STAT4: variants seen among roughly 807,000 people sequenced by gnomAD.
STAT4 encodes the protein signal transducer and activator of transcription 4.
STAT4 carries 42 observed loss-of-function variants against 110.5 expected under a neutral mutation model. The ratio of observed to expected loss-of-function variants is 0.38; its 90% CI spans 0.30 to 0.49. The LOEUF is 0.49. Ranked by LOEUF, STAT4 falls within the 20% of genes least tolerant of loss-of-function variation. The pLI, the probability that STAT4 is intolerant of heterozygous loss-of-function variation, is 0.95. For synonymous variants in STAT4, 284 were observed against 302.2 expected (o/e 0.94, Z 0.63); for missense variants, 632 against 887.9 (o/e 0.71, Z 3.66).
intron 14 of STAT4, among the ~76,000 whole-genome samples, chr2:191,045,570 G>A (rs372016306): frequency 6.6e-6 from 1 of 152,306 alleles, no homozygotes; most frequent in East Asian, 1.9e-4. Flanking sequence ...CACCTGAAAA[G>A]AAAGGAAGGT....
Position 191,066,336 on chromosome 2 carries a change from G to C in STAT4, c.630+94C>G. The stretch of plus-strand genomic sequence containing the variant: ...GTTTCTTCATTCAGTAAATGGAACT[G>C]ATAAAATCTGACAGCTTGATTATTT... On this transcript the variant is annotated intron_variant, in intron 7 of 23. Transcript: ENST00000392320. This position sits in a 1 kb window ranked among gnomAD's most constrained non-coding sequence, Gnocchi z 4.3. 1 of 1,138,780 alleles carries C rather than the reference G, an allele frequency of 8.8e-7. No individual in the cohort carries two copies. The highest frequency in any genetic ancestry group is 2.0e-5 in the Admixed American group (1 of 49,974). The allele number at this position is 1,138,780 out of a possible 1,614,324, so 70.5% of individuals were successfully genotyped here.
chr2:191,049,411 C>T (rs886642630), intron 14 of STAT4, among the ~76,000 whole-genome samples: 3 of 152,112 alleles, frequency 2.0e-5, no homozygotes, highest in South Asian at 2.1e-4. Context: ...CTCCTGACCT[C>T]GTGATCTGCC....
In STAT4 at chr2:191,032,664, T is replaced by C. The variant is rs533329001; in HGVS notation, c.2044+294A>G. 2.0e-5 allele frequency among the ~76,000 whole-genome samples: 3 copies of C among 152,340 alleles called. No homozygotes were observed. The South Asian group carries it at 6.2e-4, about 32-fold the overall frequency. On this transcript the variant is annotated intron_variant, in intron 21 of 23. Coordinates refer to ENST00000392320, the MANE Select transcript of STAT4 (RefSeq NM_003151.4). The surrounding 1 kb of genome is among the most constrained non-coding windows in gnomAD (Gnocchi z 4.9). ...ATAGACATGAAGCCTGCACCACTTC[T>C]GTCTTACAAAGGAGAAAACTGAAGC...
At chr2:191,078,185 C>A (rs1697366003) in intron 3 of STAT4, among the ~76,000 whole-genome samples, 1 of 152,088 alleles carries the variant, frequency 6.6e-6, no homozygotes, top group Non-Finnish European at 1.5e-5. Context: ...AGATTAGGAT[C>A]CTTTTTAGTT....
At chr2:191,088,716 A>C (rs1400211239) in intron 3 of STAT4, among the ~76,000 whole-genome samples, 1 of 152,210 alleles carries the variant, frequency 6.6e-6, no homozygotes, top group Admixed American at 6.5e-5. Flanking sequence ...TGGTACAGGT[A>C]AAAGAATGGA....
At chr2:191,118,107 G>T (rs146226234) in intron 3 of STAT4, among the ~76,000 whole-genome samples, 1 of 152,184 alleles carries the variant, frequency 6.6e-6, no homozygotes, top group Non-Finnish European at 1.5e-5. Context: ...GAGATTTTAC[G>T]CACTGCTGGT....
In STAT4 at chr2:191,058,325, T is replaced by C; in HGVS notation, c.1095-106A>G. 1 of 1,209,252 alleles carries C rather than the reference T, an allele frequency of 8.3e-7. No individual in the cohort carries two copies. The allele number at this position is 1,209,252 out of a possible 1,614,324, so 74.9% of individuals were successfully genotyped here. On this transcript the variant is annotated intron_variant, in intron 11 of 23. Coordinates refer to ENST00000392320, the MANE Select transcript of STAT4 (RefSeq NM_003151.4). The surrounding 1 kb of genome is among the most constrained non-coding windows in gnomAD (Gnocchi z 4.3). ...TTTATTTATTTATTTTGAGACAGAG[T>C]CTCGCTCTGTCGTCCAGGCTGGAGT...
At chr2:191,141,052 G>A (rs1220374774) in intron 3 of STAT4, among the ~76,000 whole-genome samples, 2 of 152,016 alleles carry the variant, frequency 1.3e-5, no homozygotes, top group Non-Finnish European at 2.9e-5. Flanking sequence ...AAAGGCATAA[G>A]AGTGATATAA....
intron 3 of STAT4, among the ~76,000 whole-genome samples, chr2:191,120,440 C>A (rs1698691304): frequency 6.6e-6 from 1 of 152,078 alleles, no homozygotes; most frequent in Non-Finnish European, 1.5e-5. Flanking sequence ...AAAAAATTAA[C>A]CAGGTATGGT....
chr2:191,119,886 A>C (rs1372920498), intron 3 of STAT4, among the ~76,000 whole-genome samples: 1 of 152,212 alleles, frequency 6.6e-6, no homozygotes, highest in Non-Finnish European at 1.5e-5. Context: ...CAAAAACACC[A>C]CTGCAGTGCA....
chr2:191,076,591 G>A (rs1175453385), intron 3 of STAT4, among the ~76,000 whole-genome samples: 1 of 151,502 alleles, frequency 6.6e-6, no homozygotes, highest in Non-Finnish European at 1.5e-5. Flanking sequence ...TTTTAGGAAA[G>A]ATCCTGAACA....
At chr2:191,054,639 C>T in intron 13 of STAT4, 105 bp from the exon 14 acceptor site, 1 of 912,062 alleles carries the variant, frequency 1.1e-6, no homozygotes, top group Non-Finnish European at 1.7e-6. Context: ...GTTTTGACTT[C>T]TAGAACAGCA....
intron 3 of STAT4, among the ~76,000 whole-genome samples, chr2:191,126,820 A>T (rs1235704605): frequency 6.6e-6 from 1 of 152,088 alleles, no homozygotes; most frequent in African/African-American, 2.4e-5. Flanking sequence ...GGTATATTAC[A>T]GCTAATCTTG....
intron 3 of STAT4, among the ~76,000 whole-genome samples, chr2:191,084,074 C>T (rs1473195156): frequency 6.6e-6 from 1 of 151,868 alleles, no homozygotes; most frequent in African/African-American, 2.4e-5. Context: ...CCAGCCTGAC[C>T]AACAAGGTGA....
intron 14 of STAT4, among the ~76,000 whole-genome samples, chr2:191,048,348 CATT>C (rs1178062914): frequency 6.6e-6 from 1 of 152,174 alleles, no homozygotes; most frequent in African/African-American, 2.4e-5. Context: ...CCAAATAAAG[CATT>C]ATTAATTTTC....
intron 16 of STAT4, among the ~76,000 whole-genome samples, chr2:191,038,251 T>C (rs1696097297): frequency 6.6e-6 from 1 of 152,144 alleles, no homozygotes; most frequent in Non-Finnish European, 1.5e-5. Flanking sequence ...TCTGCTCTTT[T>C]TGGGGCACCC....
At chr2:191,084,013 C>G (rs145178198) in intron 3 of STAT4, among the ~76,000 whole-genome samples, 3 of 152,064 alleles carry the variant, frequency 2.0e-5, no homozygotes, top group Non-Finnish European at 4.4e-5. Context: ...CCTGTAATTC[C>G]AGCACTTTGG....
Position 191,033,607 on chromosome 2 carries a change from T to G in STAT4, c.1735A>C (p.Ser579Arg). Residue 579 changes from serine (S) to arginine (R), a missense_variant, in exon 20 of 24, where the codon AGC (serine) becomes CGC (arginine). Ser to Arg is a moderately radical substitution (Grantham distance 110). Around this residue, in one of 4 missense-constraint regions of STAT4, gnomAD observed 74 missense variants for 154.3 expected, o/e 0.48. Transcript: ENST00000392320. The surrounding 1 kb of genome is among the most constrained non-coding windows in gnomAD (Gnocchi z 6.9). ...AGCAACAGCCGTTCCTTCTCTTTGC[T>G]AACAAAGCCCATGACATACCTAAAA... ...WIDGYVMGFV[S>R]KEKERLLLKD... 1 of 1,613,916 alleles carries G rather than the reference T, an allele frequency of 6.2e-7. No homozygotes were observed. Among genetic ancestry groups the G allele is most frequent in the Non-Finnish European group, 8.5e-7 (1 of 1,179,938 alleles).
rs1291160883 is a variant in STAT4, at chr2:191,090,350, CCTCA to C, written c.274-14029_274-14026del. Among the ~76,000 whole-genome samples the C allele has an allele frequency of 6.6e-6, 1 of 152,088 alleles. No homozygotes were observed. The highest frequency in any genetic ancestry group is 2.4e-5 in the African/African-American group (1 of 41,416). On this transcript the variant is annotated intron_variant, in intron 3 of 23. Transcript: ENST00000392320. This position sits in a 1 kb window ranked among gnomAD's most constrained non-coding sequence, Gnocchi z 4.2. Reference sequence around the variant, plus strand: ...TTCGAATGAATGAAGTTGCTCGCCTCCTCACTCAAAGTTAGCTTTAAATTCTCTC... The same window carrying C: ...TTCGAATGAATGAAGTTGCTCGCCTCCTCAAAGTTAGCTTTAAATTCTCTC...
Sources: allele counts gnomAD v4.1 joint callset (sites outside exome capture counted in the v4.1 genomes callset), GRCh38; gene constraint gnomAD v4.1.1; regional missense constraint gnomAD v4.1.1; non-coding constraint Gnocchi (gnomAD v3.1); transcripts MANE v1.5; gene names NCBI Gene and HGNC (gene_info 2026-07-23, HGNC 2026-07-21).